The following CAMSAP2 variants were observed in gnomAD, a reference collection of about 807,000 sequenced individuals.
The protein encoded by CAMSAP2 is calmodulin-regulated spectrin-associated protein 2.
A neutral mutation model predicts 146.1 loss-of-function variants in CAMSAP2; 26 were observed. That is an observed-to-expected ratio of 0.18 (90% CI 0.13 to 0.25). The LOEUF is 0.25. Ranked by LOEUF, CAMSAP2 falls within the 10% of genes least tolerant of loss-of-function variation. CAMSAP2 has a pLI of 1.00. For missense variants in CAMSAP2, 1,381 were observed against 1,759.3 expected, an observed-to-expected ratio of 0.78 and a Z score of 3.85; for synonymous variants, 499 against 596.6, an observed-to-expected ratio of 0.84 and a Z score of 2.38.
rs1666962253 is a variant in CAMSAP2, at chr1:200,828,553, T to TC, written c.646-3644dup. On this transcript the variant is annotated intron_variant, in intron 4 of 16. Coordinates refer to ENST00000358823, the MANE Select transcript of CAMSAP2 (RefSeq NM_203459.4). ...CTTTACCTTTTGCTTTCCCCTTTTT[T>TC]CCCGCTGCTTCCTCTGAAGTCTCCT... 5.8e-6 allele frequency: 9 copies of TC among 1,549,906 alleles called. No individual in the cohort carries two copies. The East Asian group carries it at 2.0e-4, about 34-fold the overall frequency.
rs1667796924 is a variant in CAMSAP2 at position 200,858,268 on chromosome 1, A to G, written c.*209A>G. The G allele has an allele frequency of 2.2e-6, 1 of 444,692 alleles. No homozygotes were observed. The highest frequency in any genetic ancestry group is 2.0e-5 in the African/African-American group (1 of 49,422). 27.5% of individuals were successfully genotyped at this position (444,692 alleles called of 1,614,324 possible). On this transcript the variant is annotated 3_prime_UTR_variant, in exon 17 of 17. Transcript: ENST00000358823. The stretch of plus-strand genomic sequence containing the variant: ...AGTGATAAGTCCAAATGATGAAGGA[A>G]ATGTTTTAATTCACAAATGGAGATT...
At chr1:200,763,805 G>C (rs1571728222) in intron 2 of CAMSAP2, among the ~76,000 whole-genome samples, 2 of 152,260 alleles carry the variant, frequency 1.3e-5, no homozygotes, top group South Asian at 4.1e-4. Context: ...GCTGGGCGTG[G>C]TGGCTCGCGC....
At position 200,817,189 on chromosome 1, in the gene CAMSAP2, C is replaced by CACATACACACAT. The variant is rs1437563207; in HGVS notation, c.645+1546_645+1547insCATACACACATA. On this transcript the variant is annotated intron_variant, in intron 4 of 16. Transcript: ENST00000358823. ...ACGTGTGTGTATATACACACACACACATGTGTGTGTGTATACACACATACA... is the reference window on the plus strand; with the variant it reads ...ACGTGTGTGTATATACACACACACACACATACACACATATGTGTGTGTGTATACACACATACA... Among the ~76,000 whole-genome samples, 285 of 111,948 alleles carry CACATACACACAT rather than the reference C, an allele frequency of 2.5e-3. 6 individuals carry two copies. Among genetic ancestry groups the CACATACACACAT allele is most frequent in the Admixed American group, 4.0e-3 (49 of 12,230 alleles). 73.4% of individuals were successfully genotyped at this position (111,948 alleles called of 152,430 possible).
At position 200,832,260 on chromosome 1, in the gene CAMSAP2, A is replaced by T; in HGVS notation, c.706A>T (p.Asn236Tyr). The T allele has an allele frequency of 6.2e-7, 1 of 1,613,756 alleles. No homozygotes were observed. Among genetic ancestry groups the T allele is most frequent in the African/African-American group, 1.3e-5 (1 of 75,006 alleles). ...KQLPCIPLVE[N>Y]LLKDGTDGCA... The stretch of plus-strand genomic sequence containing the variant: ...ACTGCCTTGCATTCCATTGGTAGAA[A>T]ATTTGTTGAAGGATGGGACAGATGG... The change falls in exon 5 of 17, where the codon AAT becomes TAT. Residue 236 changes from asparagine (N) to tyrosine (Y), a missense_variant. This residue lies in a region of CAMSAP2 where 284 missense variants were observed against 406.9 expected (regional missense o/e 0.70). Coordinates refer to ENST00000358823, the MANE Select transcript of CAMSAP2 (RefSeq NM_203459.4). The surrounding 1 kb of genome is among the most constrained non-coding windows in gnomAD (Gnocchi z 4.2).
intron 2 of CAMSAP2, among the ~76,000 whole-genome samples, chr1:200,806,505 A>G (rs1312826846): frequency 1.3e-5 from 2 of 152,198 alleles, no homozygotes; most frequent in African/African-American, 4.8e-5. Context: ...GAGTAGATTA[A>G]TGGTTATCTA....
intron 2 of CAMSAP2, among the ~76,000 whole-genome samples, chr1:200,800,872 T>G (rs539399671): frequency 6.6e-6 from 1 of 152,276 alleles, no homozygotes; most frequent in South Asian, 2.1e-4. Context: ...GTGACAAAAA[T>G]CTCTCAGTAT....
chr1:200,763,106 G>A (rs1417015515), intron 2 of CAMSAP2, among the ~76,000 whole-genome samples: 1 of 152,054 alleles, frequency 6.6e-6, no homozygotes, highest in African/African-American at 2.4e-5. Context: ...CACCATGTTG[G>A]CCAGGCTGGT....
At chr1:200,826,055 G>A (rs35755401) in intron 4 of CAMSAP2, among the ~76,000 whole-genome samples, 19,851 of 152,094 alleles carry the variant, frequency 0.13, 1,347 homozygotes, top group East Asian at 0.2. Context: ...AAATGTTGAC[G>A]AAATCCCCTC....
intron 2 of CAMSAP2, among the ~76,000 whole-genome samples, chr1:200,806,717 A>G (rs537597246): frequency 1.0e-3 from 153 of 151,556 alleles, no homozygotes; most frequent in Non-Finnish European, 1.9e-3. Context: ...TACTACTGTA[A>G]TGTTTTTTTT....
intron 9 of CAMSAP2, 92 bp downstream of exon 9, chr1:200,847,384 G>C (rs1667484853): frequency 1.0e-6 from 1 of 999,434 alleles, no homozygotes; most frequent in Non-Finnish European, 1.5e-6. Flanking sequence ...AAATATCCAG[G>C]GTTTTTTTGT....
intron 1 of CAMSAP2, among the ~76,000 whole-genome samples, chr1:200,749,441 C>CTTG (rs10682884): frequency 0.32 from 48,044 of 151,834 alleles, 8,628 homozygotes; most frequent in East Asian, 0.53. Flanking sequence ...TTCATTGACT[C>CTTG]TTGTTTAGTG....
intron 6 of CAMSAP2, among the ~76,000 whole-genome samples, chr1:200,839,942 T>C (rs1667274862): frequency 6.6e-6 from 1 of 152,214 alleles, no homozygotes; most frequent in African/African-American, 2.4e-5. Flanking sequence ...TAAGCATTCT[T>C]ATTACTTTTT....
intron 1 of CAMSAP2, among the ~76,000 whole-genome samples, chr1:200,752,923 T>A (rs920006057): frequency 6.6e-6 from 1 of 151,842 alleles, no homozygotes; most frequent in African/African-American, 2.4e-5. Flanking sequence ...GGCCTAGTTG[T>A]CATGTCTCTT....
rs1667522653 is a variant in CAMSAP2, at chr1:200,848,543, G to A, written c.1774G>A (p.Val592Ile). Residue 592 changes from valine (V) to isoleucine (I), a missense_variant, in exon 11 of 17, where the codon GTA becomes ATA. Val to Ile is a conservative substitution (Grantham distance 29). Transcript: ENST00000358823. ...GTTAAATCAATCTAGTCCTGATAAT[G>A]TAACTGATACGAAAGGTGCCTTGAG... ...IKLNQSSPDNVTDTKGALSPI... is the reference protein window; with the variant it reads ...IKLNQSSPDNITDTKGALSPI... 5 of 1,614,030 alleles carry A rather than the reference G, an allele frequency of 3.1e-6. No individual in the cohort carries two copies. The highest frequency in any genetic ancestry group is 2.5e-6 in the Non-Finnish European group (3 of 1,179,950).
intron 2 of CAMSAP2, among the ~76,000 whole-genome samples, chr1:200,778,595 G>A (rs946685719): frequency 2.6e-5 from 4 of 152,130 alleles, no homozygotes; most frequent in Non-Finnish European, 5.9e-5. Context: ...GTGTCTAGCT[G>A]TGTTGTTTAA....
chr1:200,805,843 A>G (rs1023925909), intron 2 of CAMSAP2, among the ~76,000 whole-genome samples: 36 of 152,324 alleles, frequency 2.4e-4, no homozygotes, highest in African/African-American at 8.2e-4. Context: ...AAAGAAAGAA[A>G]GAAACTTTAC....
intron 4 of CAMSAP2, chr1:200,828,674 T>C (rs1263161225): frequency 3.6e-6 from 5 of 1,399,164 alleles, no homozygotes; most frequent in African/African-American, 1.4e-5. Flanking sequence ...GTTTATGTCT[T>C]GCTGTTAAAG....
chr1:200,838,612 G>T (rs188583735), intron 6 of CAMSAP2, among the ~76,000 whole-genome samples: 1 of 152,184 alleles, frequency 6.6e-6, no homozygotes, highest in East Asian at 1.9e-4. Context: ...CATCTGGAGG[G>T]TAAGATGAGG....
chr1:200,831,697 A>G (rs961781378), intron 4 of CAMSAP2, among the ~76,000 whole-genome samples: 1 of 151,644 alleles, frequency 6.6e-6, no homozygotes, highest in Non-Finnish European at 1.5e-5. Flanking sequence ...ATAATAACCC[A>G]GAATGTCTTG....
Sources: allele counts gnomAD v4.1 joint callset (sites outside exome capture counted in the v4.1 genomes callset), GRCh38; gene constraint gnomAD v4.1.1; regional missense constraint gnomAD v4.1.1; non-coding constraint Gnocchi (gnomAD v3.1); transcripts MANE v1.5; gene names NCBI Gene and HGNC (gene_info 2026-07-23, HGNC 2026-07-21).